Variants in RFX4 observed in about 807,000 individuals in gnomAD.
RFX4 encodes transcription factor RFX4.
RFX4 carries 10 observed loss-of-function variants against 95.0 expected under a neutral mutation model. The ratio of observed to expected loss-of-function variants is 0.11; its 90% CI spans 0.06 to 0.18. RFX4 has a LOEUF of 0.18. Among genes scored for constraint, RFX4 ranks in the 10% least tolerant of loss-of-function variants. The pLI, the probability that RFX4 is intolerant of heterozygous loss-of-function variation, is 1.00. For synonymous variants in RFX4, 321 were observed against 340.7 expected, an observed-to-expected ratio of 0.94 and a Z score of 0.64; for missense variants, 640 against 922.0, an observed-to-expected ratio of 0.69 and a Z score of 3.96.
intron 1 of RFX4, among the ~76,000 whole-genome samples, chr12:106,593,924 A>T (rs1353323076): frequency 6.6e-6 from 1 of 152,236 alleles, no homozygotes; most frequent in African/African-American, 2.4e-5. Context: ...TTATGGTGGA[A>T]CTGATGGATT....
chr12:106,725,006 C>G (rs925570091), intron 13 of RFX4, among the ~76,000 whole-genome samples: 1 of 148,324 alleles, frequency 6.7e-6, no homozygotes, highest in Non-Finnish European at 1.5e-5. Context: ...GAGTGAGACT[C>G]CATCTCAAAA....
intron 2 of RFX4, among the ~76,000 whole-genome samples, chr12:106,624,360 C>G (rs2040247147): frequency 6.6e-6 from 1 of 152,156 alleles, no homozygotes; most frequent in African/African-American, 2.4e-5. Flanking sequence ...GAGTCTCACT[C>G]TGTCACCAGG....
At chr12:106,669,053 A>G (rs1261813973) in intron 4 of RFX4, among the ~76,000 whole-genome samples, 1 of 152,276 alleles carries the variant, frequency 6.6e-6, no homozygotes, top group Non-Finnish European at 1.5e-5. Flanking sequence ...CTAGAACAGG[A>G]TAAGATCATT....
chr12:106,651,400 G>T (rs2040854375), intron 3 of RFX4, among the ~76,000 whole-genome samples: 1 of 152,142 alleles, frequency 6.6e-6, no homozygotes, highest in Non-Finnish European at 1.5e-5. Context: ...GGTCAAATGA[G>T]ACCATGGATA....
intron 8 of RFX4, among the ~76,000 whole-genome samples, chr12:106,698,640 A>G (rs1392340836): frequency 6.6e-6 from 1 of 151,692 alleles, no homozygotes. Flanking sequence ...TCTTTCTCTT[A>G]TTTAGATATC....
intron 2 of RFX4, among the ~76,000 whole-genome samples, chr12:106,632,660 G>A (rs1278866716): frequency 2.0e-5 from 3 of 152,082 alleles, no homozygotes; most frequent in Non-Finnish European, 2.9e-5. Context: ...TAAAGTTTGG[G>A]GTTTCTTTTT....
intron 3 of RFX4, among the ~76,000 whole-genome samples, chr12:106,648,907 T>G (rs2040806874): frequency 6.6e-6 from 1 of 152,178 alleles, no homozygotes; most frequent in Admixed American, 6.5e-5. Context: ...GCTTCCTCCA[T>G]GTGCCTTAGG....
rs538010327 is a variant in RFX4, at chr12:106,623,718, G to A, written c.130+14835G>A. Among the ~76,000 whole-genome samples, 3 of 152,314 alleles carry A rather than the reference G, an allele frequency of 2.0e-5. No individual in the cohort carries two copies. In the South Asian group the frequency reaches 6.2e-4, roughly 32 times the overall value. On this transcript the variant is annotated intron_variant, in intron 2 of 17. Coordinates refer to ENST00000392842, the MANE Select transcript of RFX4 (RefSeq NM_213594.3). ...AAGGAATGCTTGAGCTAGGGAGGTG[G>A]AGGTTGCAGTGAGCCAAGATCATGC...
chr12:106,583,423 G>T, intron 1 of RFX4, 60 bp downstream of exon 1: 1 of 1,400,698 alleles, frequency 7.1e-7, no homozygotes. Context: ...GGGAGAGGGG[G>T]AACTTTAGAA....
chr12:106,620,301 G>A (rs2040156750), intron 2 of RFX4, among the ~76,000 whole-genome samples: 1 of 152,138 alleles, frequency 6.6e-6, no homozygotes, highest in African/African-American at 2.4e-5. Flanking sequence ...TTCCATAAGT[G>A]TCGGCTGGCT....
chr12:106,647,393 C>T (rs1206362177), intron 3 of RFX4, among the ~76,000 whole-genome samples: 2 of 152,180 alleles, frequency 1.3e-5, no homozygotes, highest in African/African-American at 4.8e-5. Flanking sequence ...AGTGTTTACT[C>T]ATCTTGTGGG....
At chr12:106,691,397 C>T (rs1477774370) in intron 7 of RFX4, among the ~76,000 whole-genome samples, 1 of 152,226 alleles carries the variant, frequency 6.6e-6, no homozygotes, top group Admixed American at 6.5e-5. Context: ...TCACCTCACA[C>T]CCTTAGGCCA....
chr12:106,756,855 C>T (rs1015266661), intron 17 of RFX4, among the ~76,000 whole-genome samples: 2 of 152,014 alleles, frequency 1.3e-5, no homozygotes, highest in Non-Finnish European at 2.9e-5. Flanking sequence ...GATCTGTCTC[C>T]CTCACTGTAC....
At chr12:106,679,451 T>C (rs2041461928) in intron 4 of RFX4, among the ~76,000 whole-genome samples, 1 of 142,938 alleles carries the variant, frequency 7.0e-6, no homozygotes, top group Admixed American at 7.0e-5. Flanking sequence ...GGGGGCTCTG[T>C]CTCAGAAAAA....
intron 4 of RFX4, among the ~76,000 whole-genome samples, chr12:106,675,799 G>T (rs754685814): frequency 5.3e-5 from 8 of 152,160 alleles, no homozygotes; most frequent in Non-Finnish European, 1.2e-4. Flanking sequence ...CCTGTGGGAA[G>T]GGCCAGAGTA....
rs369603770 is a variant in RFX4, at chr12:106,719,983, T to C, written c.1162T>C (p.Leu388=). The change falls in exon 12 of 18, where the codon TTG becomes CTG. Residue 388 remains leucine, a synonymous_variant. Coordinates refer to ENST00000392842, the MANE Select transcript of RFX4 (RefSeq NM_213594.3). ...AGTATATCAGGAGTTTGACCATCTC[T>C]TGGAGGAGCAGTCTCCCATCGAGTC... is the stretch of plus-strand genomic sequence containing the variant. ...TQLYQEFDHL[L]EEQSPIESYI... 3.1e-6 allele frequency: 5 copies of C among 1,614,106 alleles called. No individual in the cohort carries two copies. The African/African-American group carries it at 6.7e-5, about 22-fold the overall frequency.
intron 1 of RFX4, among the ~76,000 whole-genome samples, chr12:106,607,790 G>A (rs1177350640): frequency 3.3e-5 from 5 of 152,000 alleles, no homozygotes; most frequent in Admixed American, 2.0e-4. Flanking sequence ...TGAATGAATG[G>A]TGGGTGGTCT....
At chr12:106,732,633 G>C (rs889720578) in intron 14 of RFX4, among the ~76,000 whole-genome samples, 1 of 152,180 alleles carries the variant, frequency 6.6e-6, no homozygotes, top group Non-Finnish European at 1.5e-5. Context: ...CCGGGAGGCA[G>C]AGGTTGCAGT....
At chr12:106,611,968 A>T (rs1409266640) in intron 2 of RFX4, among the ~76,000 whole-genome samples, 1 of 152,150 alleles carries the variant, frequency 6.6e-6, no homozygotes, top group Non-Finnish European at 1.5e-5. Flanking sequence ...ATATTATTCC[A>T]TTGGTCTATA....
Sources: gnomAD v4.1 joint callset for allele counts (sites outside exome capture counted in the v4.1 genomes callset) on GRCh38, gnomAD v4.1.1 for gene constraint, MANE v1.5 for transcripts, NCBI Gene and HGNC (gene_info 2026-07-23, HGNC 2026-07-21) for gene names.